NTRK1: variants seen among roughly 807,000 people sequenced by gnomAD.
NTRK1 encodes neurotrophic receptor tyrosine kinase 1, also known as high affinity nerve growth factor receptor.
A neutral mutation model predicts 86.8 loss-of-function variants in NTRK1; 62 were observed. The ratio of observed to expected loss-of-function variants is 0.71; its 90% CI spans 0.58 to 0.88. NTRK1 has a LOEUF of 0.88. Ranked by LOEUF, NTRK1 falls within the 40% of genes least tolerant of loss-of-function variation. The pLI is 0.00. For synonymous variants in NTRK1, 469 were observed against 456.6 expected (o/e 1.03, Z -0.35); for missense variants, 967 against 1,078.4 (o/e 0.90, Z 1.45).
intron 2 of NTRK1, chr1:156,845,581 C>A (rs1307797588): frequency 2.6e-6 from 4 of 1,536,794 alleles, no homozygotes; most frequent in East Asian, 4.5e-5. Context: ...ACAGGCCCCA[C>A]TCATCAGACC....
chr1:156,816,749 A>G, intron 1 of NTRK1: 4 of 1,557,330 alleles, frequency 2.6e-6, no homozygotes, highest in East Asian at 4.8e-5. Context: ...GGGTGTGTGT[A>G]TGTGTTCCGG....
chr1:156,849,025 G>GA (rs769366556), intron 2 of NTRK1: 1 of 1,613,346 alleles, frequency 6.2e-7, no homozygotes, highest in African/African-American at 1.3e-5. Context: ...CGTTGGACAC[G>GA]AAGCGCAGGG....
At chr1:156,836,684 C>T (rs1467292070) in intron 1 of NTRK1, among the ~76,000 whole-genome samples, 16 of 152,192 alleles carry the variant, frequency 1.1e-4, no homozygotes, top group Admixed American at 8.5e-4. Flanking sequence ...AACTCTGGGC[C>T]TGCTAAGTCG....
chr1:156,874,668 G>C (rs1289682381), intron 10 of NTRK1, 42 bp downstream of exon 10: 1 of 1,588,792 alleles, frequency 6.3e-7, no homozygotes, highest in Non-Finnish European at 8.6e-7. Flanking sequence ...TTGGGACCGG[G>C]AGGCTGGGTA....
intron 12 of NTRK1, 105 bp from the exon 13 acceptor site, chr1:156,875,975 G>T (rs574809028): frequency 7.0e-6 from 11 of 1,568,542 alleles, no homozygotes; most frequent in Non-Finnish European, 8.8e-6. Context: ...GCAGTCCCTC[G>T]TCTGGGCAGC....
At chr1:156,822,638 C>T (rs887975303) in intron 1 of NTRK1, among the ~76,000 whole-genome samples, 11 of 150,840 alleles carry the variant, frequency 7.3e-5, no homozygotes, top group African/African-American at 2.2e-4. Flanking sequence ...AAGCTATAGC[C>T]TTCTTACTTG....
intron 1 of NTRK1, among the ~76,000 whole-genome samples, chr1:156,824,861 T>A (rs1225019684): frequency 6.6e-6 from 1 of 152,168 alleles, no homozygotes; most frequent in Non-Finnish European, 1.5e-5. Context: ...GCAGAGCAGC[T>A]TGTGCCACAG....
intron 14 of NTRK1, among the ~76,000 whole-genome samples, chr1:156,878,368 G>A (rs549323577): frequency 2.0e-5 from 3 of 152,206 alleles, no homozygotes; most frequent in South Asian, 2.1e-4. Context: ...ATTCCCACCC[G>A]TGGTGCCTGC....
chr1:156,857,904 A>T (rs1011416228), upstream of NTRK1, among the ~76,000 whole-genome samples: 1 of 151,964 alleles, frequency 6.6e-6, no homozygotes, highest in Non-Finnish European at 1.5e-5. Flanking sequence ...AGGGTCATTT[A>T]GTCTATATAG....
chr1:156,858,734 G>A, upstream of NTRK1: 1 of 841,350 alleles, frequency 1.2e-6, no homozygotes, highest in Non-Finnish European at 2.0e-6. Context: ...GGAGAGGGAG[G>A]GCAGGGGCAG....
chr1:156,838,795 C>T lies in NTRK1; in HGVS notation c.-63-3286C>T, dbSNP rs191423627. Among the ~76,000 whole-genome samples, 193 of 152,348 alleles carry T rather than the reference C, an allele frequency of 1.3e-3. 1 individual carries two copies. The highest frequency in any genetic ancestry group is 3.4e-3 in the Middle Eastern group (1 of 294). ...CTTTTCTTCGACTTCCAATCCCTTCCTTAAGCTCTTCCACATCCAGACAAT... is the reference window on the plus strand; with the variant it reads ...CTTTTCTTCGACTTCCAATCCCTTCTTTAAGCTCTTCCACATCCAGACAAT... On this transcript the variant is annotated intron_variant, in intron 1 of 16. Transcript: ENST00000392302.
intron 1 of NTRK1, among the ~76,000 whole-genome samples, chr1:156,818,383 T>C (rs543604201): frequency 6.6e-6 from 1 of 152,324 alleles, no homozygotes; most frequent in Admixed American, 6.5e-5. Flanking sequence ...TTTGGCTACA[T>C]GGATAAGTTA....
intron 14 of NTRK1, 131 bp downstream of exon 14, chr1:156,876,703 C>T (rs960389302): frequency 1.7e-5 from 19 of 1,147,338 alleles, no homozygotes; most frequent in South Asian, 4.0e-5. Flanking sequence ...GGCACATTCC[C>T]GTCCCCAGGG....
intron 1 of NTRK1, among the ~76,000 whole-genome samples, chr1:156,819,263 C>A (rs531258454): frequency 6.6e-6 from 1 of 152,246 alleles, no homozygotes; most frequent in Admixed American, 6.5e-5. Context: ...CTGCCTCAGG[C>A]TCCCAAAGTG....
chr1:156,828,936 T>G (rs1223637178), intron 1 of NTRK1, among the ~76,000 whole-genome samples: 2 of 152,224 alleles, frequency 1.3e-5, no homozygotes. Flanking sequence ...TATTATACCC[T>G]TAGAGGAGCA....
chr1:156,833,567 A>C (rs1654521013), intron 1 of NTRK1, among the ~76,000 whole-genome samples: 1 of 151,838 alleles, frequency 6.6e-6, no homozygotes, highest in Admixed American at 6.6e-5. Flanking sequence ...CAAAAAATAA[A>C]CAAAAAAAAG....
At chr1:156,852,150 C>A (rs141091280) in intron 2 of NTRK1, 7 of 1,610,462 alleles carry the variant, frequency 4.3e-6, no homozygotes, top group Non-Finnish European at 5.9e-6. Flanking sequence ...TGGCAGCACT[C>A]GCCCCTCGCT....
Position 156,851,079 on chromosome 1 carries a change from A to T in NTRK1, c.50+8886A>T, listed in dbSNP as rs1041252238. 6 of 642,166 alleles carry T rather than the reference A, an allele frequency of 9.3e-6. No homozygotes were observed. In the Admixed American group the frequency reaches 1.5e-4, roughly 16 times the overall value. 39.8% of individuals were successfully genotyped at this position (642,166 alleles called of 1,614,324 possible). ...GTGCTTTACACATAACAACTTGAGT[A>T]ATATTCAAAACAGTCCTGAGAAGTA... On this transcript the variant is annotated intron_variant, in intron 2 of 16. Coordinates refer to the NTRK1 transcript ENST00000392302.
chr1:156,850,788 C>T (rs1414965776), intron 2 of NTRK1, among the ~76,000 whole-genome samples: 1 of 151,250 alleles, frequency 6.6e-6, no homozygotes, highest in Non-Finnish European at 1.5e-5. Context: ...AATTCCTGAC[C>T]TCAAGTGATC....
Sources: allele counts gnomAD v4.1 joint callset (sites outside exome capture counted in the v4.1 genomes callset), GRCh38; gene constraint gnomAD v4.1.1; transcripts MANE v1.5; gene names NCBI Gene and HGNC (gene_info 2026-07-23, HGNC 2026-07-21).